CNTFR: variants seen among roughly 807,000 people sequenced by gnomAD.
CNTFR encodes the protein ciliary neurotrophic factor receptor.
A neutral mutation model predicts 40.4 loss-of-function variants in CNTFR; 12 were observed. The observed-to-expected ratio is 0.30, with a 90% CI of 0.19 to 0.48. The LOEUF (loss-of-function observed/expected upper bound fraction) is 0.48. Ranked by LOEUF, CNTFR falls within the 20% of genes least tolerant of loss-of-function variation. The probability of loss-of-function intolerance (pLI) is 0.99; values close to 1 mark genes in which losing one functional copy is unlikely to be tolerated. For missense variants in CNTFR, 414 were observed against 506.8 expected (o/e 0.82, Z 1.76); for synonymous variants, 202 against 209.6 (o/e 0.96, Z 0.31).
Position 34,551,923 on chromosome 9 carries a change from G to T in CNTFR, c.*148C>A, listed in dbSNP as rs1301901151. 5.6e-6 allele frequency: 4 copies of T among 717,428 alleles called. No individual in the cohort carries two copies. The highest frequency in any genetic ancestry group is 1.0e-5 in the Non-Finnish European group (4 of 390,444). 44.4% of individuals were successfully genotyped at this position (717,428 alleles called of 1,614,324 possible). A position where few individuals can be genotyped will look rare whatever the true frequency, so the allele number is the denominator to read the frequency against. ...GCAGGGCTGGGGGGCGGCAGGCCCG[G>T]GCCCGCCGGGGTCTCCACAAATTGT... On this transcript the variant is annotated 3_prime_UTR_variant, in exon 10 of 10. Transcript: ENST00000378980.
intron 2 of CNTFR, among the ~76,000 whole-genome samples, chr9:34,572,300 A>G (rs1826701419): frequency 6.6e-6 from 1 of 152,048 alleles, no homozygotes; most frequent in South Asian, 2.1e-4. Flanking sequence ...ACACACCTCC[A>G]TCCTGCCCTG....
intron 1 of CNTFR, among the ~76,000 whole-genome samples, chr9:34,587,591 G>A (rs1008019093): frequency 1.3e-5 from 2 of 152,156 alleles, no homozygotes; most frequent in African/African-American, 2.4e-5. Flanking sequence ...CCCCGTGTGA[G>A]TCAATGTGAT....
chr9:34,587,983 G>GT (rs1253249670), intron 1 of CNTFR, among the ~76,000 whole-genome samples: 1 of 152,162 alleles, frequency 6.6e-6, no homozygotes, highest in African/African-American at 2.4e-5. Context: ...CCATATGAAT[G>GT]TAAGCCCCTA....
chr9:34,573,444 T>G (rs1826781993), intron 2 of CNTFR, among the ~76,000 whole-genome samples: 1 of 152,188 alleles, frequency 6.6e-6, no homozygotes, highest in Non-Finnish European at 1.5e-5. Flanking sequence ...CAGTCTGGCC[T>G]GGACAATGAA....
intron 4 of CNTFR, among the ~76,000 whole-genome samples, chr9:34,562,464 C>G (rs1826113422): frequency 6.6e-6 from 1 of 152,204 alleles, no homozygotes; most frequent in Non-Finnish European, 1.5e-5. Context: ...AAGGTACATT[C>G]CCACCAAAAT....
At chr9:34,566,274 G>A (rs575316993) in intron 3 of CNTFR, among the ~76,000 whole-genome samples, 2 of 152,128 alleles carry the variant, frequency 1.3e-5, no homozygotes, top group Admixed American at 6.5e-5. Context: ...TCTCTCCCTC[G>A]CTGCCTATCT....
rs200077465 is a variant in CNTFR, at chr9:34,564,656, C to T, written c.262G>A (p.Ala88Thr). The T allele has an allele frequency of 1.4e-4, 220 of 1,613,586 alleles. No individual in the cohort carries two copies. The highest frequency in any genetic ancestry group is 1.8e-4 in the Non-Finnish European group (215 of 1,179,812). ...GLELGHSGLY[A>T]CFHRDSWHLR... ...TGCCAGGAGTCACGGTGGAAGCAGG[C>T]GTAGAGGCCACTGTGGCCCAGTTCC... The change falls in exon 4 of 10, where the codon GCC (alanine) becomes ACC (threonine). Residue 88 changes from alanine to threonine, a missense_variant. Ala to Thr is a moderately conservative substitution (Grantham distance 58). Around this residue, in one of 3 missense-constraint regions of CNTFR, gnomAD observed 250 missense variants for 269.5 expected, o/e 0.93. Transcript: ENST00000378980.
At chr9:34,576,067 C>G (rs1826946242) in intron 2 of CNTFR, among the ~76,000 whole-genome samples, 1 of 152,158 alleles carries the variant, frequency 6.6e-6, no homozygotes. Context: ...CACCCCGAGA[C>G]AGAGCACACA....
intron 7 of CNTFR, among the ~76,000 whole-genome samples, chr9:34,555,038 C>T (rs773532408): frequency 3.9e-5 from 6 of 152,232 alleles, no homozygotes; most frequent in Non-Finnish European, 5.9e-5. Context: ...CGCTGGGAGC[C>T]GCGTGCGTGT....
At chr9:34,568,356 C>CT (rs1826407320) in intron 3 of CNTFR, among the ~76,000 whole-genome samples, 1 of 152,184 alleles carries the variant, frequency 6.6e-6, no homozygotes, top group African/African-American at 2.4e-5. Flanking sequence ...GAGCCCTGAG[C>CT]TGTCCCTCCC....
Position 34,564,779 on chromosome 9 carries a change from C to T in CNTFR, c.139G>A (p.Gly47Arg), listed in dbSNP as rs751771019. The change falls in exon 4 of 10, where the codon GGG becomes AGG. Residue 47 changes from glycine (G) to arginine (R), a missense_variant. This residue lies in a region of CNTFR where 250 missense variants were observed against 269.5 expected (regional missense o/e 0.93). Transcript: ENST00000378980. Reference sequence around the variant, plus strand: ...ACCGCAGCATCCCAGTTTGCTGTCCCACATGGCAGTGTCACGTCAGAGCCC... The same window carrying T: ...ACCGCAGCATCCCAGTTTGCTGTCCTACATGGCAGTGTCACGTCAGAGCCC... Reference protein sequence around the residue: ...RLGSDVTLPCGTANWDAAVTW... With the variant: ...RLGSDVTLPCRTANWDAAVTW... The T allele has an allele frequency of 6.2e-7, 1 of 1,614,002 alleles. No homozygotes were observed. Among genetic ancestry groups the T allele is most frequent in the Non-Finnish European group, 8.5e-7 (1 of 1,180,002 alleles).
Position 34,552,992 on chromosome 9 carries a change from A to C in CNTFR, c.769-138T>G. 1 of 743,150 alleles carries C rather than the reference A, an allele frequency of 1.3e-6. No individual in the cohort carries two copies. The highest frequency in any genetic ancestry group is 2.2e-6 in the Non-Finnish European group (1 of 452,218). 46.0% of individuals were successfully genotyped at this position (743,150 alleles called of 1,614,324 possible). The stretch of plus-strand genomic sequence containing the variant: ...GGCAGTGAGGACTTCCCTGAGGAGA[A>C]GGAGGACATGGAGAATATTCTTGCC... On this transcript the variant is annotated intron_variant, in intron 7 of 9. Transcript: ENST00000378980. This position sits in a 1 kb window ranked among gnomAD's most constrained non-coding sequence, Gnocchi z 5.1.
intron 4 of CNTFR, among the ~76,000 whole-genome samples, chr9:34,561,608 A>G (rs1288564925): frequency 3.9e-5 from 6 of 152,190 alleles, no homozygotes; most frequent in Admixed American, 3.9e-4. Flanking sequence ...GAGACTTCCA[A>G]CAGAATACTG....
intron 4 of CNTFR, among the ~76,000 whole-genome samples, chr9:34,560,023 A>C (rs574412840): frequency 6.6e-6 from 1 of 152,200 alleles, no homozygotes; most frequent in Admixed American, 6.5e-5. Context: ...TTTGTCTGTC[A>C]TCTGGCTACT....
At chr9:34,580,389 C>T (rs1208770438) in intron 2 of CNTFR, among the ~76,000 whole-genome samples, 1 of 152,180 alleles carries the variant, frequency 6.6e-6, no homozygotes, top group Non-Finnish European at 1.5e-5. Context: ...CCATCTTAAG[C>T]CCCTTTTATG....
chr9:34,570,935 T>C (rs1456850244), intron 2 of CNTFR, among the ~76,000 whole-genome samples: 1 of 152,160 alleles, frequency 6.6e-6, no homozygotes, highest in Non-Finnish European at 1.5e-5. Context: ...AGTCCCCTCC[T>C]CTGAGCCTGC....
chr9:34,570,534 G>A (rs1016476657), intron 2 of CNTFR, among the ~76,000 whole-genome samples: 1 of 152,112 alleles, frequency 6.6e-6, no homozygotes, highest in East Asian at 1.9e-4. Flanking sequence ...ACTGATAGAC[G>A]CAAACAGGCG....
intron 6 of CNTFR, among the ~76,000 whole-genome samples, chr9:34,556,870 G>A (rs1255727686): frequency 6.6e-6 from 1 of 152,152 alleles, no homozygotes; most frequent in Non-Finnish European, 1.5e-5. Flanking sequence ...ACTAAGACCT[G>A]GGTCAAGGGT....
chr9:34,557,808 G>A lies in CNTFR; in HGVS notation c.437+59C>T. Reference sequence around the variant, plus strand: ...GGGTATGGACAGAGGGCATGGTGGTGGGATGGGGGAGAGGTCAGAGGTCAG... The same window carrying A: ...GGGTATGGACAGAGGGCATGGTGGTAGGATGGGGGAGAGGTCAGAGGTCAG... On this transcript the variant is annotated intron_variant, in intron 5 of 9. Coordinates refer to ENST00000378980, the MANE Select transcript of CNTFR (RefSeq NM_147164.3). This position sits in a 1 kb window ranked among gnomAD's most constrained non-coding sequence, Gnocchi z 4.2. 1 of 1,540,874 alleles carries A rather than the reference G, an allele frequency of 6.5e-7. No homozygotes were observed. The highest frequency in any genetic ancestry group is 8.9e-7 in the Non-Finnish European group (1 of 1,125,738).
Sources: gnomAD v4.1 joint callset for allele counts (sites outside exome capture counted in the v4.1 genomes callset) on GRCh38, gnomAD v4.1.1 for gene constraint, gnomAD v4.1.1 regional missense constraint, Gnocchi (gnomAD v3.1) non-coding constraint, MANE v1.5 for transcripts, NCBI Gene and HGNC (gene_info 2026-07-23, HGNC 2026-07-21) for gene names.